Variants in RSL24D1 observed in about 807,000 individuals in gnomAD.
RSL24D1 encodes the protein ribosomal L24 domain containing 1.
Under a neutral mutation model 26.2 loss-of-function variants are expected in RSL24D1, and 6 were observed. The ratio of observed to expected loss-of-function variants is 0.23; its 90% CI spans 0.13 to 0.45. The LOEUF (loss-of-function observed/expected upper bound fraction) is 0.45, where lower values mean the gene tolerates loss of function less well. Ranked by LOEUF, RSL24D1 falls within the 20% of genes least tolerant of loss-of-function variation. The pLI is 0.99. For missense variants in RSL24D1, 176 were observed against 202.6 expected (o/e 0.87, Z 0.80); for synonymous variants, 61 against 59.1 (o/e 1.03, Z -0.15).
intron 3 of RSL24D1, 77 bp downstream of exon 3, chr15:55,190,898 C>G (rs1441165415): frequency 9.8e-6 from 9 of 920,416 alleles, no homozygotes; most frequent in African/African-American, 1.7e-5. Context: ...ATTTAAACAA[C>G]AAACTGACAC....
intron 3 of RSL24D1, among the ~76,000 whole-genome samples, chr15:55,186,618 A>C (rs893962092): frequency 1.3e-5 from 2 of 152,226 alleles, no homozygotes; most frequent in Non-Finnish European, 2.9e-5. Context: ...AAATATAAGG[A>C]CAAACTCAGG....
intron 2 of RSL24D1, chr15:55,192,293 A>G (rs146238503): frequency 6.5e-6 from 1 of 154,946 alleles, no homozygotes; most frequent in Non-Finnish European, 1.4e-5. Context: ...TTTCCCCCTG[A>G]CTTCTCTCTA....
chr15:55,188,102 C>T (rs1486874583), intron 3 of RSL24D1, among the ~76,000 whole-genome samples: 1 of 152,116 alleles, frequency 6.6e-6, no homozygotes, highest in South Asian at 2.1e-4. Context: ...TATCCTCACA[C>T]AATTTGATAA....
chr15:55,185,568 A>C, intron 3 of RSL24D1, 143 bp from the exon 4 acceptor site: 1 of 610,346 alleles, frequency 1.6e-6, no homozygotes, highest in Non-Finnish European at 2.8e-6. Context: ...TCCCTACTCA[A>C]AAAGCTGAAG....
rs1004486689 is a variant in RSL24D1 at position 55,190,846 on chromosome 15, T to A, written c.268+129A>T. On this transcript the variant is annotated intron_variant, in intron 3 of 5. Coordinates refer to ENST00000260443, the MANE Select transcript of RSL24D1 (RefSeq NM_016304.3). ...TACAACAGAACCATTAAAATGAGGA[T>A]AAAATAATAAAAGCCAAGGAATGAT... The A allele has an allele frequency of 1.9e-5, 13 of 671,550 alleles. No individual in the cohort carries two copies. In the African/African-American group the frequency reaches 2.2e-4, roughly 12 times the overall value. 41.6% of individuals were successfully genotyped at this position (671,550 alleles called of 1,614,324 possible). A position where few individuals can be genotyped will look rare whatever the true frequency, so the allele number is the denominator to read the frequency against.
intron 3 of RSL24D1, among the ~76,000 whole-genome samples, chr15:55,185,740 C>T (rs1894217781): frequency 6.6e-6 from 1 of 152,160 alleles, no homozygotes; most frequent in Non-Finnish European, 1.5e-5. Flanking sequence ...ACTTGGACTA[C>T]TGACAACTAA....
chr15:55,186,306 C>T (rs1027431165), intron 3 of RSL24D1, among the ~76,000 whole-genome samples: 1 of 152,064 alleles, frequency 6.6e-6, no homozygotes, highest in Non-Finnish European at 1.5e-5. Flanking sequence ...TTTATATAGT[C>T]TTAAAGTATC....
chr15:55,189,389 A>G (rs1894267598), intron 3 of RSL24D1, among the ~76,000 whole-genome samples: 1 of 152,154 alleles, frequency 6.6e-6, no homozygotes, highest in South Asian at 2.1e-4. Context: ...TCCTCTAATT[A>G]TAAAGCAGAA....
intron 3 of RSL24D1, among the ~76,000 whole-genome samples, chr15:55,188,844 A>C (rs1423261958): frequency 1.4e-5 from 2 of 142,632 alleles, no homozygotes; most frequent in Non-Finnish European, 2.9e-5. Flanking sequence ...GTCTTCAAGT[A>C]ATAATAACAA....
chr15:55,196,855 G>C lies in RSL24D1; in HGVS notation c.36C>G (p.Pro12=). The C allele has an allele frequency of 6.2e-7, 1 of 1,614,170 alleles. No individual in the cohort carries two copies. Among genetic ancestry groups the C allele is most frequent in the Non-Finnish European group, 8.5e-7 (1 of 1,180,030 alleles). Residue 12 remains proline, a synonymous_variant, in exon 1 of 6, where the codon CCC becomes CCG. Coordinates refer to ENST00000260443, the MANE Select transcript of RSL24D1 (RefSeq NM_016304.3). ...RIEKCYFCSG[P]IYPGHGMMFV... ...ACATCATGCCGTGTCCAGGATAGAT[G>C]GGCCCCGAACAGAAATAACACTTTT...
chr15:55,182,043 A>AAAAGAC lies in RSL24D1; in HGVS notation c.*108_*109insGTCTTT, dbSNP rs1894172995. On this transcript the variant is annotated 3_prime_UTR_variant, in exon 6 of 6. Transcript: ENST00000260443. Reference sequence around the variant, plus strand: ...TGGCAATGCAGGAAAGATGTCTTTTAATCGCTTTTCATTTAAGTGACCTTA... The same window carrying AAAAGAC: ...TGGCAATGCAGGAAAGATGTCTTTTAAAAGACATCGCTTTTCATTTAAGTGACCTTA... 1.5e-6 allele frequency: 1 copy of AAAAGAC among 664,650 alleles called. No individual in the cohort carries two copies. Among genetic ancestry groups the AAAAGAC allele is most frequent in the Non-Finnish European group, 2.7e-6 (1 of 374,588 alleles). The allele number at this position is 664,650 out of a possible 1,614,324, so 41.2% of individuals were successfully genotyped here. A position where few individuals can be genotyped will look rare whatever the true frequency, so the allele number is the denominator to read the frequency against.
chr15:55,186,358 A>G (rs1894224219), intron 3 of RSL24D1, among the ~76,000 whole-genome samples: 1 of 152,124 alleles, frequency 6.6e-6, no homozygotes. Context: ...TAAAACAGTA[A>G]CTCTTCAGTG....
intron 2 of RSL24D1, 105 bp from the exon 3 acceptor site, chr15:55,191,152 A>G: frequency 1.4e-6 from 1 of 727,632 alleles, no homozygotes; most frequent in South Asian, 1.9e-5. Flanking sequence ...ATGAACATAC[A>G]CCTAGATTCA....
intron 3 of RSL24D1, among the ~76,000 whole-genome samples, chr15:55,190,249 C>CAAAAAAAAA (rs57254193): frequency 2.0e-4 from 7 of 34,470 alleles, no homozygotes; most frequent in South Asian, 1.4e-3. Context: ...CTTTCCAACT[C>CAAAAAAAAA]AAAAAAAAAA....
At chr15:55,196,472 C>T in intron 1 of RSL24D1, 1 of 539,680 alleles carries the variant, frequency 1.9e-6, no homozygotes, top group Non-Finnish European at 3.5e-6. Context: ...ACAAAGTTTA[C>T]TGGATTCAAG....
At chr15:55,183,511 G>C in intron 4 of RSL24D1, 111 bp from the exon 5 acceptor site, 1 of 711,648 alleles carries the variant, frequency 1.4e-6, no homozygotes, top group Admixed American at 2.5e-5. Context: ...CCCACAGATG[G>C]GGAATGGAAA....
chr15:55,187,249 TTA>T (rs1894234185), intron 3 of RSL24D1, among the ~76,000 whole-genome samples: 1 of 152,216 alleles, frequency 6.6e-6, no homozygotes, highest in South Asian at 2.1e-4. Context: ...TAGCTCAGAA[TTA>T]ATAATATGCT....
intron 3 of RSL24D1, among the ~76,000 whole-genome samples, chr15:55,186,543 C>A (rs538228751): frequency 6.6e-6 from 1 of 152,260 alleles, no homozygotes; most frequent in South Asian, 2.1e-4. Flanking sequence ...AAACACCAAA[C>A]AATCCAGTTA....
chr15:55,196,538 T>A (rs1894359176), intron 1 of RSL24D1: 1 of 587,988 alleles, frequency 1.7e-6, no homozygotes, highest in Non-Finnish European at 3.1e-6. Flanking sequence ...CCAAGATTCC[T>A]GGTAGGCGCT....
Sources: allele counts gnomAD v4.1 joint callset (sites outside exome capture counted in the v4.1 genomes callset), GRCh38; gene constraint gnomAD v4.1.1; transcripts MANE v1.5; gene names NCBI Gene and HGNC (gene_info 2026-07-23, HGNC 2026-07-21).